Variants in SEPTIN9 observed in about 807,000 individuals in gnomAD.
SEPTIN9 encodes septin-9.
A neutral mutation model predicts 56.6 loss-of-function variants in SEPTIN9; 13 were observed. The observed-to-expected ratio is 0.23, with a 90% CI of 0.15 to 0.37. The LOEUF (loss-of-function observed/expected upper bound fraction) is 0.37, where lower values mean the gene tolerates loss of function less well. Among genes scored for constraint, SEPTIN9 ranks in the 10% least tolerant of loss-of-function variants. SEPTIN9 has a pLI of 1.00. For missense variants in SEPTIN9, 650 were observed against 823.1 expected, an observed-to-expected ratio of 0.79 and a Z score of 2.57; for synonymous variants, 332 against 334.1, an observed-to-expected ratio of 0.99 and a Z score of 0.07.
intron 1 of SEPTIN9, among the ~76,000 whole-genome samples, chr17:77,305,552 G>A (rs1378554458): frequency 6.6e-6 from 1 of 152,066 alleles, no homozygotes; most frequent in East Asian, 1.9e-4. Flanking sequence ...TGTGTCACAC[G>A]CATTTCTCAC....
At chr17:77,300,183 C>T (rs1300505344) in intron 1 of SEPTIN9, among the ~76,000 whole-genome samples, 1 of 152,126 alleles carries the variant, frequency 6.6e-6, no homozygotes, top group Non-Finnish European at 1.5e-5. Context: ...CTGCAGCCTC[C>T]ACCTCCTGGG....
chr17:77,339,298 TA>T (rs1306923495), intron 2 of SEPTIN9, among the ~76,000 whole-genome samples: 1 of 152,238 alleles, frequency 6.6e-6, no homozygotes, highest in Admixed American at 6.5e-5. Context: ...CTATGGCAGA[TA>T]CTGCTTTATA....
At chr17:77,302,234 A>G (rs2032082522) in intron 1 of SEPTIN9, among the ~76,000 whole-genome samples, 1 of 152,126 alleles carries the variant, frequency 6.6e-6, no homozygotes, top group Non-Finnish European at 1.5e-5. Context: ...AGGCCAAGGC[A>G]GGAGGATTGC....
chr17:77,306,047 G>A (rs908088531), intron 1 of SEPTIN9, among the ~76,000 whole-genome samples: 2 of 151,026 alleles, frequency 1.3e-5, no homozygotes, highest in Admixed American at 6.6e-5. Flanking sequence ...GTGGATGGGT[G>A]GATGGATGTG....
intron 2 of SEPTIN9, among the ~76,000 whole-genome samples, chr17:77,385,225 C>T (rs2035294309): frequency 2.0e-5 from 3 of 147,104 alleles, no homozygotes; most frequent in African/African-American, 7.6e-5. Flanking sequence ...GGCGGTGGCA[C>T]GTTCTTGGTT....
At chr17:77,334,282 C>T (rs950133676) in intron 2 of SEPTIN9, among the ~76,000 whole-genome samples, 13 of 152,036 alleles carry the variant, frequency 8.6e-5, no homozygotes, top group African/African-American at 2.2e-4. Context: ...ATTAGCCGGG[C>T]GTGGTGGCGG....
chr17:77,299,955 G>A (rs1411196894), intron 1 of SEPTIN9, among the ~76,000 whole-genome samples: 1 of 152,214 alleles, frequency 6.6e-6, no homozygotes, highest in Non-Finnish European at 1.5e-5. Context: ...AGAGGCCAAC[G>A]GCACCGCACC....
intron 3 of SEPTIN9, among the ~76,000 whole-genome samples, chr17:77,415,861 G>A (rs1383206127): frequency 2.6e-5 from 4 of 152,360 alleles, no homozygotes; most frequent in East Asian, 1.9e-4. Context: ...TGCGAGGAGC[G>A]TGGGCAGGAC....
chr17:77,408,049 G>T (rs1049838590), intron 3 of SEPTIN9, among the ~76,000 whole-genome samples: 1 of 152,026 alleles, frequency 6.6e-6, no homozygotes, highest in East Asian at 1.9e-4. Flanking sequence ...TAAGGCGGGT[G>T]CTCAGCGCTC....
chr17:77,425,554 A>G lies in SEPTIN9; in HGVS notation c.721+22851A>G, dbSNP rs1021881806. Reference sequence around the variant, plus strand: ...CTGCAGCTGAGCTGGCGGGCCTCGCACACCCCCAAGGCCGCCTGACTTCCA... The same window carrying G: ...CTGCAGCTGAGCTGGCGGGCCTCGCGCACCCCCAAGGCCGCCTGACTTCCA... On this transcript the variant is annotated intron_variant, in intron 3 of 11. Transcript: ENST00000427177. The surrounding 1 kb of genome is among the most constrained non-coding windows in gnomAD (Gnocchi z 4.2). 3.3e-5 allele frequency among the ~76,000 whole-genome samples: 5 copies of G among 152,038 alleles called. No individual in the cohort carries two copies. Among genetic ancestry groups the G allele is most frequent in the Admixed American group, 6.5e-5 (1 of 15,276 alleles).
intron 2 of SEPTIN9, among the ~76,000 whole-genome samples, chr17:77,380,681 C>T (rs2035111571): frequency 6.6e-6 from 1 of 152,178 alleles, no homozygotes; most frequent in African/African-American, 2.4e-5. Flanking sequence ...CACCCGCTTC[C>T]CCTCCCCTGC....
Position 77,318,695 on chromosome 17 carries a change from T to C in SEPTIN9, c.76+11498T>C, listed in dbSNP as rs375340526. Reference sequence around the variant, plus strand: ...GTCCTCCCCACCCCCCAGGAAGATGTCCTTTCTGCCAAGGAGATTGCATTT... The same window carrying C: ...GTCCTCCCCACCCCCCAGGAAGATGCCCTTTCTGCCAAGGAGATTGCATTT... On this transcript the variant is annotated intron_variant, in intron 2 of 11. Transcript: ENST00000427177. This position sits in a 1 kb window ranked among gnomAD's most constrained non-coding sequence, Gnocchi z 4.9. Among the ~76,000 whole-genome samples the C allele has an allele frequency of 1.0e-3, 152 of 152,116 alleles. 4 individuals are homozygous for C. In the South Asian group the frequency reaches 0.023, roughly 23 times the overall value.
intron 2 of SEPTIN9, among the ~76,000 whole-genome samples, chr17:77,394,748 C>T (rs1158674524): frequency 1.3e-5 from 2 of 152,150 alleles, no homozygotes; most frequent in South Asian, 2.1e-4. Context: ...GAGCTGGGAG[C>T]GGTTTGCCAG....
rs2036025629 is a variant in SEPTIN9 at position 77,405,192 on chromosome 17, C to G, written c.721+2489C>G. 1.4e-6 allele frequency: 2 copies of G among 1,443,482 alleles called. No individual in the cohort carries two copies. The highest frequency in any genetic ancestry group is 4.0e-5 in the Admixed American group (2 of 50,346). The allele number at this position is 1,443,482 out of a possible 1,614,324, so 89.4% of individuals were successfully genotyped here. A position where few individuals can be genotyped will look rare whatever the true frequency, so the allele number is the denominator to read the frequency against. On this transcript the variant is annotated intron_variant, in intron 3 of 11. Transcript: ENST00000427177. The surrounding 1 kb of genome is among the most constrained non-coding windows in gnomAD (Gnocchi z 5.8). The stretch of plus-strand genomic sequence containing the variant: ...AAGAACATTCTCCTCCAGGGGCAGA[C>G]ACAGTTTAGCCCCTAAATTGTGCCA...
At chr17:77,299,572 C>CA (rs1300493940) in intron 1 of SEPTIN9, among the ~76,000 whole-genome samples, 2 of 152,188 alleles carry the variant, frequency 1.3e-5, no homozygotes, top group African/African-American at 2.4e-5. Flanking sequence ...CTTATCTCTT[C>CA]AAAAAATTGT....
chr17:77,325,132 T>C (rs2033085154), intron 2 of SEPTIN9, among the ~76,000 whole-genome samples: 1 of 152,198 alleles, frequency 6.6e-6, no homozygotes, highest in Non-Finnish European at 1.5e-5. Context: ...TATGCAAATA[T>C]TTTAAACTTC....
chr17:77,443,296 T>C (rs532593997), intron 3 of SEPTIN9, among the ~76,000 whole-genome samples: 1 of 151,866 alleles, frequency 6.6e-6, no homozygotes, highest in East Asian at 1.9e-4. Flanking sequence ...AGGGGCAGGG[T>C]GGTTGGATTG....
intron 2 of SEPTIN9, among the ~76,000 whole-genome samples, chr17:77,324,353 C>T (rs2033053366): frequency 6.6e-6 from 1 of 152,218 alleles, no homozygotes; most frequent in South Asian, 2.1e-4. Context: ...TGTCTGGATG[C>T]ACAGCATGGT....
intron 2 of SEPTIN9, among the ~76,000 whole-genome samples, chr17:77,364,639 C>T (rs1444880054): frequency 2.0e-5 from 3 of 152,208 alleles, no homozygotes; most frequent in Non-Finnish European, 4.4e-5. Context: ...TGCCAGCCCA[C>T]AGTTCTACCC....
Sources: allele counts gnomAD v4.1 joint callset (sites outside exome capture counted in the v4.1 genomes callset), GRCh38; gene constraint gnomAD v4.1.1; non-coding constraint Gnocchi (gnomAD v3.1); transcripts MANE v1.5; gene names NCBI Gene and HGNC (gene_info 2026-07-23, HGNC 2026-07-21).